DAP3: variants seen among roughly 807,000 people sequenced by gnomAD.
DAP3 encodes the protein death associated protein 3.
Under a neutral mutation model 51.9 loss-of-function variants are expected in DAP3, and 28 were observed. The observed-to-expected ratio is 0.54, with a 90% CI of 0.40 to 0.74. DAP3 has a LOEUF of 0.74. DAP3 is among the 30% of genes least tolerant of loss of function. The pLI is 0.00. For synonymous variants in DAP3, 170 were observed against 170.3 expected, an observed-to-expected ratio of 1.00 and a Z score of 0.01; for missense variants, 458 against 483.5, an observed-to-expected ratio of 0.95 and a Z score of 0.49.
chr1:155,726,654 GC>G (rs1658634554), intron 6 of DAP3, among the ~76,000 whole-genome samples: 1 of 151,890 alleles, frequency 6.6e-6, no homozygotes, highest in Non-Finnish European at 1.5e-5. Flanking sequence ...AGTCACGATG[GC>G]TCAAACCTAT....
intron 5 of DAP3, 63 bp downstream of exon 5, chr1:155,725,553 C>T: frequency 1.4e-6 from 2 of 1,469,274 alleles, no homozygotes; most frequent in African/African-American, 1.4e-5. Flanking sequence ...AATAAGGCAA[C>T]AGAAGAAATG....
At chr1:155,726,113 C>CTTT (rs377658512) in intron 6 of DAP3, 94 bp downstream of exon 6, 494 of 676,180 alleles carry the variant, frequency 7.3e-4, no homozygotes, top group Middle Eastern at 1.5e-3. Flanking sequence ...CTTTTCTTTT[C>CTTT]TTTTTTTTTT....
chr1:155,703,523 GC>G (rs1655572053), intron 1 of DAP3, among the ~76,000 whole-genome samples: 1 of 152,144 alleles, frequency 6.6e-6, no homozygotes, highest in Non-Finnish European at 1.5e-5. Flanking sequence ...TGAGGACACA[GC>G]CAAACCAAAT....
chr1:155,707,092 A>C (rs1558345944), intron 1 of DAP3, among the ~76,000 whole-genome samples: 1 of 133,276 alleles, frequency 7.5e-6, no homozygotes, highest in Non-Finnish European at 1.6e-5. Flanking sequence ...ACTCCATCTC[A>C]AAAAAACCAA....
intron 1 of DAP3, among the ~76,000 whole-genome samples, chr1:155,702,152 A>T (rs1156296007): frequency 1.2e-4 from 8 of 66,880 alleles, no homozygotes; most frequent in African/African-American, 2.4e-4. Context: ...TTCTGCCTAT[A>T]AAAAAAAAAA....
chr1:155,705,344 C>A (rs796573792), intron 1 of DAP3, among the ~76,000 whole-genome samples: 6 of 151,846 alleles, frequency 4.0e-5, no homozygotes, highest in African/African-American at 1.4e-4. Flanking sequence ...CACCTGTAAT[C>A]CCAGCACTTT....
intron 1 of DAP3, among the ~76,000 whole-genome samples, chr1:155,689,937 A>G (rs1394224708): frequency 6.6e-6 from 1 of 151,756 alleles, no homozygotes; most frequent in Admixed American, 6.6e-5. Context: ...ACGAAATAAT[A>G]ATATATGTAA....
chr1:155,701,688 TAA>T (rs766433912), intron 1 of DAP3, among the ~76,000 whole-genome samples: 15 of 112,038 alleles, frequency 1.3e-4, no homozygotes, highest in African/African-American at 2.7e-4. Flanking sequence ...AAAAATAAAT[TAA>T]AAAAAAAAAA....
intron 1 of DAP3, 26 bp downstream of exon 1, chr1:155,689,200 T>C: frequency 1.4e-6 from 1 of 709,284 alleles, no homozygotes; most frequent in South Asian, 1.5e-5. Flanking sequence ...GACACGGGTA[T>C]TGTACCGCTG....
intron 1 of DAP3, among the ~76,000 whole-genome samples, chr1:155,703,759 G>A (rs565744267): frequency 2.6e-5 from 4 of 152,152 alleles, no homozygotes; most frequent in East Asian, 1.9e-4. Flanking sequence ...GGATGGTCTC[G>A]ATCTTCTGAC....
chr1:155,719,475 A>G (rs1274111065), intron 3 of DAP3, among the ~76,000 whole-genome samples: 3 of 151,252 alleles, frequency 2.0e-5, no homozygotes, highest in South Asian at 4.2e-4. Flanking sequence ...ACCTCAGGCA[A>G]TCCGCTCACC....
intron 1 of DAP3, among the ~76,000 whole-genome samples, chr1:155,705,618 G>GAAAA (rs939719411): frequency 7.3e-6 from 1 of 136,382 alleles, no homozygotes; most frequent in East Asian, 2.1e-4. Context: ...AAAAAAGAAA[G>GAAAA]AAAAAAAAAA....
Position 155,727,715 on chromosome 1 carries a change from A to T in DAP3, c.580A>T (p.Thr194Ser), listed in dbSNP as rs748000917. The change falls in exon 7 of 13, where the codon ACA (threonine) becomes TCA (serine). Residue 194 changes from threonine (T) to serine (S), a missense_variant. Thr to Ser is a moderately conservative substitution (Grantham distance 58, BLOSUM62 1). Transcript: ENST00000368336. ...AACCTGGCTGAAGAATTTCAAAACTACAAATGAGCGCTTCCTGAACCAGGT... is the reference window on the plus strand; with the variant it reads ...AACCTGGCTGAAGAATTTCAAAACTTCAAATGAGCGCTTCCTGAACCAGGT... ...ASTWLKNFKT[T>S]NERFLNQIKV... is the part of the protein sequence containing the mutation. 1 of 1,613,670 alleles carries T rather than the reference A, an allele frequency of 6.2e-7. No individual in the cohort carries two copies. The highest frequency in any genetic ancestry group is 1.7e-5 in the Admixed American group (1 of 59,956).
At chr1:155,736,086 G>A (rs895520498) in intron 11 of DAP3, among the ~76,000 whole-genome samples, 4 of 151,858 alleles carry the variant, frequency 2.6e-5, no homozygotes, top group African/African-American at 4.8e-5. Flanking sequence ...TGATCTGCCC[G>A]CCTCAGCCTC....
intron 6 of DAP3, among the ~76,000 whole-genome samples, chr1:155,727,237 T>C (rs1303279786): frequency 6.6e-6 from 1 of 152,152 alleles, no homozygotes; most frequent in Non-Finnish European, 1.5e-5. Flanking sequence ...GACTTACCTT[T>C]CAAACCTGCC....
At chr1:155,695,649 A>G (rs938270005) in intron 1 of DAP3, among the ~76,000 whole-genome samples, 6 of 151,672 alleles carry the variant, frequency 4.0e-5, no homozygotes, top group African/African-American at 1.2e-4. Flanking sequence ...TCAATAATAT[A>G]TTTAATTAAG....
intron 7 of DAP3, 87 bp downstream of exon 7, chr1:155,727,825 T>C (rs1658779225): frequency 1.4e-6 from 2 of 1,392,322 alleles, no homozygotes; most frequent in East Asian, 2.5e-5. Flanking sequence ...GGAGAACTGA[T>C]ACTGGAGTTG....
chr1:155,698,959 C>T (rs1284489054), intron 1 of DAP3, among the ~76,000 whole-genome samples: 1 of 152,114 alleles, frequency 6.6e-6, no homozygotes, highest in African/African-American at 2.4e-5. Flanking sequence ...TCTTTCGGGC[C>T]TCATGTTGGG....
At chr1:155,703,589 G>C (rs1655582853) in intron 1 of DAP3, among the ~76,000 whole-genome samples, 2 of 152,226 alleles carry the variant, frequency 1.3e-5, no homozygotes, top group Non-Finnish European at 2.9e-5. Flanking sequence ...CCAGACTGGA[G>C]TGCAGTGGCA....
Sources: gnomAD v4.1 joint callset for allele counts (sites outside exome capture counted in the v4.1 genomes callset) on GRCh38, gnomAD v4.1.1 for gene constraint, MANE v1.5 for transcripts, NCBI Gene and HGNC (gene_info 2026-07-23, HGNC 2026-07-21) for gene names.